Variants in JHY observed in about 807,000 individuals in gnomAD.
JHY encodes the protein jhy protein homolog.
JHY carries 69 observed loss-of-function variants against 78.0 expected under a neutral mutation model. The ratio of observed to expected loss-of-function variants is 0.88; its 90% CI spans 0.73 to 1.08. The LOEUF is 1.08. Among genes scored for constraint, JHY ranks in the 50% least tolerant of loss-of-function variants. JHY has a pLI of 0.00. For synonymous variants in JHY, 368 were observed against 342.6 expected, an observed-to-expected ratio of 1.07 and a Z score of -0.82; for missense variants, 944 against 927.8, an observed-to-expected ratio of 1.02 and a Z score of -0.23.
chr11:122,900,496 A>G (rs1261713503), intron 2 of JHY, among the ~76,000 whole-genome samples: 2 of 134,524 alleles, frequency 1.5e-5, no homozygotes, highest in African/African-American at 5.5e-5. Flanking sequence ...GCCATTAAAT[A>G]TGCCATACTA....
chr11:122,897,661 T>C (rs78440030), intron 2 of JHY, among the ~76,000 whole-genome samples: 2,334 of 152,322 alleles, frequency 0.015, 69 homozygotes, highest in African/African-American at 0.053. Flanking sequence ...TGTTCTTAGA[T>C]GCTCTGCTGT....
chr11:122,887,983 G>A (rs1027568226), intron 2 of JHY, among the ~76,000 whole-genome samples: 1 of 149,996 alleles, frequency 6.7e-6, no homozygotes, highest in Admixed American at 6.6e-5. Context: ...GTGTGGGAGC[G>A]AGAAGTAGAG....
intron 6 of JHY, 179 bp downstream of exon 6, chr11:122,946,971 C>A: frequency 1.6e-6 from 1 of 629,882 alleles, no homozygotes; most frequent in South Asian, 2.5e-5. Flanking sequence ...GTTTCCCTCC[C>A]CTTCTTAATA....
intron 3 of JHY, among the ~76,000 whole-genome samples, chr11:122,919,374 A>AAAG (rs1565320408): frequency 6.7e-6 from 1 of 150,280 alleles, no homozygotes; most frequent in Non-Finnish European, 1.5e-5. Flanking sequence ...AAAAAAAAAA[A>AAAG]AAGAAGTGAA....
At chr11:122,895,859 G>C (rs1178738246) in intron 2 of JHY, among the ~76,000 whole-genome samples, 1 of 152,144 alleles carries the variant, frequency 6.6e-6, no homozygotes, top group African/African-American at 2.4e-5. Flanking sequence ...CAGTACAATG[G>C]GGTTCTTCAG....
intron 2 of JHY, among the ~76,000 whole-genome samples, chr11:122,890,754 G>C (rs1468982527): frequency 6.6e-6 from 1 of 152,122 alleles, no homozygotes; most frequent in Non-Finnish European, 1.5e-5. Context: ...TCATTCAGAG[G>C]TCCTCAGATA....
chr11:122,891,198 A>C (rs1028546462), intron 2 of JHY, among the ~76,000 whole-genome samples: 3 of 152,204 alleles, frequency 2.0e-5, no homozygotes, highest in Non-Finnish European at 4.4e-5. Context: ...AAAACCAAGG[A>C]AAATTTCTTT....
At chr11:122,922,428 A>G (rs779448348) in intron 3 of JHY, among the ~76,000 whole-genome samples, 6 of 152,212 alleles carry the variant, frequency 3.9e-5, no homozygotes, top group Non-Finnish European at 8.8e-5. Flanking sequence ...GAATGAGGGT[A>G]TCTTCATTGT....
chr11:122,923,228 A>G (rs1230221429), intron 3 of JHY, among the ~76,000 whole-genome samples: 4 of 152,374 alleles, frequency 2.6e-5, no homozygotes, highest in East Asian at 3.8e-4. Flanking sequence ...ACAGAGACAT[A>G]TATCTGCTCA....
rs371006474 is a variant in JHY at position 122,898,828 on chromosome 11, G to A, written c.345-5097G>A. Among the ~76,000 whole-genome samples the A allele has an allele frequency of 1.6e-3, 241 of 152,240 alleles. 2 individuals carry two copies. Among genetic ancestry groups the A allele is most frequent in the African/African-American group, 5.4e-3 (224 of 41,530 alleles). On this transcript the variant is annotated intron_variant, in intron 2 of 8. Coordinates refer to ENST00000227349, the MANE Select transcript of JHY (RefSeq NM_024806.4). The surrounding 1 kb of genome is among the most constrained non-coding windows in gnomAD (Gnocchi z 4.4). ...GCTTCAAGTGTTTGCAACGTCCCTC[G>A]AGATCTGACCTTTGCTTGCCCTTGA...
intron 4 of JHY, among the ~76,000 whole-genome samples, chr11:122,929,002 T>C (rs1405845981): frequency 1.3e-5 from 2 of 151,706 alleles, no homozygotes; most frequent in Admixed American, 6.6e-5. Flanking sequence ...TGGAGTGCAA[T>C]GGCACAATCT....
chr11:122,896,918 A>G (rs1862751785), intron 2 of JHY, among the ~76,000 whole-genome samples: 1 of 152,128 alleles, frequency 6.6e-6, no homozygotes, highest in Non-Finnish European at 1.5e-5. Flanking sequence ...GTGCAATGGC[A>G]TGATCTCGGC....
intron 6 of JHY, among the ~76,000 whole-genome samples, chr11:122,952,803 G>A (rs536343694): frequency 7.9e-5 from 12 of 152,286 alleles, no homozygotes; most frequent in Non-Finnish European, 1.2e-4. Flanking sequence ...TTTATGACTT[G>A]GACATGAGCA....
At chr11:122,937,232 C>G (rs1478464922) in intron 5 of JHY, among the ~76,000 whole-genome samples, 1 of 135,558 alleles carries the variant, frequency 7.4e-6, no homozygotes, top group Non-Finnish European at 1.5e-5. Flanking sequence ...TCATGTCCCT[C>G]TTTTCATTTC....
At position 122,890,226 on chromosome 11, in the gene JHY, A is replaced by G. The variant is rs546274597; in HGVS notation, c.344+4033A>G. ...TTTATAGAATGCTTATCATGAGCCC[A>G]TTTCTGTGCTAAACACTTTACATGT... On this transcript the variant is annotated intron_variant, in intron 2 of 8. Coordinates refer to ENST00000227349, the MANE Select transcript of JHY (RefSeq NM_024806.4). Among the ~76,000 whole-genome samples, 4 of 152,266 alleles carry G rather than the reference A, an allele frequency of 2.6e-5. No individual in the cohort carries two copies. The East Asian group carries it at 7.7e-4, about 29-fold the overall frequency.
chr11:122,917,133 A>G lies in JHY; in HGVS notation c.865-7764A>G, dbSNP rs948414773. Among the ~76,000 whole-genome samples the G allele has an allele frequency of 6.6e-6, 1 of 152,218 alleles. No individual in the cohort carries two copies. The highest frequency in any genetic ancestry group is 2.4e-5 in the African/African-American group (1 of 41,462). On this transcript the variant is annotated intron_variant, in intron 3 of 8. Coordinates refer to ENST00000227349, the MANE Select transcript of JHY (RefSeq NM_024806.4). The surrounding 1 kb of genome is among the most constrained non-coding windows in gnomAD (Gnocchi z 4.1). ...TTTCCTAATTTTAACAACAGGTACA[A>G]TAGGAATAAACAGGTTTGGGAACAA...
chr11:122,897,206 G>A (rs1862757061), intron 2 of JHY, among the ~76,000 whole-genome samples: 1 of 151,954 alleles, frequency 6.6e-6, no homozygotes, highest in South Asian at 2.1e-4. Context: ...GATGAGGTAG[G>A]TACTATTATT....
At chr11:122,912,767 A>G (rs1173393776) in intron 3 of JHY, among the ~76,000 whole-genome samples, 1 of 152,152 alleles carries the variant, frequency 6.6e-6, no homozygotes, top group Non-Finnish European at 1.5e-5. Flanking sequence ...TAAGATTAAG[A>G]ATAAATAAAA....
rs1279656955 is a variant in JHY, at chr11:122,904,383, C to T, written c.803C>T (p.Pro268Leu). Residue 268 changes from proline (P) to leucine (L), a missense_variant, in exon 3 of 9, where the codon CCG becomes CTG. Coordinates refer to ENST00000227349, the MANE Select transcript of JHY (RefSeq NM_024806.4). ...AAGCTCACTTTGGGATTACCCACCC[C>T]GAAAACGGACTCTTATCTTCAACTT... ...KNKLTLGLPT[P>L]KTDSYLQLHN... The T allele has an allele frequency of 2.5e-6, 4 of 1,613,952 alleles. No individual in the cohort carries two copies. The highest frequency in any genetic ancestry group is 2.7e-5 in the African/African-American group (2 of 74,882).
Sources: gnomAD v4.1 joint callset for allele counts (sites outside exome capture counted in the v4.1 genomes callset) on GRCh38, gnomAD v4.1.1 for gene constraint, Gnocchi (gnomAD v3.1) non-coding constraint, MANE v1.5 for transcripts, NCBI Gene and HGNC (gene_info 2026-07-23, HGNC 2026-07-21) for gene names.